The following RLN2 variants were observed in gnomAD, a reference collection of about 807,000 sequenced individuals.
RLN2 encodes the protein prorelaxin H2.
A neutral mutation model predicts 7.3 loss-of-function variants in RLN2; 10 were observed. The observed-to-expected ratio is 1.36, with a 90% CI of 0.84 to 2.31. The LOEUF (loss-of-function observed/expected upper bound fraction) is 2.31. Ranked by LOEUF, RLN2 falls within the 30% of genes most tolerant of loss-of-function variation. The pLI, the probability that RLN2 is intolerant of heterozygous loss-of-function variation, is 0.00. For synonymous variants in RLN2, 103 were observed against 82.3 expected (o/e 1.25, Z -1.36); for missense variants, 298 against 217.6 (o/e 1.37, Z -2.32).
chr9:5,300,372 G>T lies in RLN2; in HGVS notation c.284C>A (p.Pro95Gln). ...NMMSEFVANL[P>Q]QELKLTLSEM... Reference sequence around the variant, plus strand: ...AGACAGGGTTAACTTCAGCTCCTGTGGCAAATTAGCAACAAATTCTGACAT... The same window carrying T: ...AGACAGGGTTAACTTCAGCTCCTGTTGCAAATTAGCAACAAATTCTGACAT... Residue 95 changes from proline (P) to glutamine (Q), a missense_variant, in exon 2 of 2, where the codon CCA becomes CAA. Transcript: ENST00000381627. 8 of 1,613,506 alleles carry T rather than the reference G, an allele frequency of 5.0e-6. No individual in the cohort carries two copies. The highest frequency in any genetic ancestry group is 2.2e-5 in the East Asian group (1 of 44,864).
At chr9:5,333,768 T>A in the RLN2 span, among the ~76,000 whole-genome samples, 1 of 151,866 alleles carries the variant, frequency 6.6e-6, no homozygotes, top group Non-Finnish European at 1.5e-5. Flanking sequence ...GCAAAAATCC[T>A]CAATAAACAC....
At chr9:5,304,223 G>C in intron 1 of RLN2, 147 bp downstream of exon 1, 1 of 575,306 alleles carries the variant, frequency 1.7e-6, no homozygotes, top group East Asian at 2.9e-5. Flanking sequence ...CCAAACTTTA[G>C]GGACCAGCCA....
At chr9:5,327,813 T>G in the RLN2 span, among the ~76,000 whole-genome samples, 4 of 152,138 alleles carry the variant, frequency 2.6e-5, no homozygotes, top group East Asian at 7.7e-4. Flanking sequence ...CACCTGCAGC[T>G]GAGGGGTCTG....
the RLN2 span, among the ~76,000 whole-genome samples, chr9:5,330,872 G>C: frequency 0.014 from 2,105 of 150,778 alleles, 67 homozygotes; most frequent in African/African-American, 0.049. Context: ...AAGAAGAAAA[G>C]AGAGAAGAAT....
chr9:5,301,591 C>T (rs1402589410), intron 1 of RLN2, among the ~76,000 whole-genome samples: 1 of 152,104 alleles, frequency 6.6e-6, no homozygotes, highest in East Asian at 1.9e-4. Context: ...GACAGGAAAA[C>T]TCTCCATTAA....
At chr9:5,310,897 A>G in the RLN2 span, among the ~76,000 whole-genome samples, 1 of 152,132 alleles carries the variant, frequency 6.6e-6, no homozygotes, top group Non-Finnish European at 1.5e-5. Context: ...TGTTTTATCA[A>G]TTAAGAATAA....
chr9:5,314,143 C>T, the RLN2 span, among the ~76,000 whole-genome samples: 1 of 152,042 alleles, frequency 6.6e-6, no homozygotes, highest in South Asian at 2.1e-4. Context: ...AAAATACTCA[C>T]CACTGTGACC....
the RLN2 span, chr9:5,335,216 GA>G: frequency 1.5e-6 from 2 of 1,366,254 alleles, no homozygotes; most frequent in Non-Finnish European, 2.0e-6. Flanking sequence ...GACTATGTGT[GA>G]AAATTAGACA....
At chr9:5,307,569 C>T (rs1315103125), upstream of RLN2, among the ~76,000 whole-genome samples, 2 of 151,962 alleles carry the variant, frequency 1.3e-5, no homozygotes, top group East Asian at 1.9e-4. Context: ...CCTGCCTCCA[C>T]GGATTTTGTG....
At chr9:5,300,484 T>G in intron 1 of RLN2, 40 bp from the exon 2 acceptor site, 4 of 1,358,616 alleles carry the variant, frequency 2.9e-6, no homozygotes, top group Non-Finnish European at 4.1e-6. Context: ...GAGGGTATAT[T>G]CATGTCAAAG....
At chr9:5,315,493 C>A in the RLN2 span, among the ~76,000 whole-genome samples, 4 of 151,662 alleles carry the variant, frequency 2.6e-5, no homozygotes, top group African/African-American at 9.7e-5. Flanking sequence ...TATGGGAGCT[C>A]TACAGGGAGA....
chr9:5,311,478 G>A, the RLN2 span: 1 of 663,058 alleles, frequency 1.5e-6, no homozygotes, highest in Admixed American at 2.3e-5. Context: ...GGATGTTAAA[G>A]GAGATAAAGT....
chr9:5,312,498 C>T, the RLN2 span, among the ~76,000 whole-genome samples: 1 of 152,080 alleles, frequency 6.6e-6, no homozygotes, highest in South Asian at 2.1e-4. Context: ...AAACAACATG[C>T]TAAATGTGAA....
At chr9:5,318,007 C>CCTGTGTGTGTGT in the RLN2 span, among the ~76,000 whole-genome samples, 1 of 147,948 alleles carries the variant, frequency 6.8e-6, no homozygotes, top group Non-Finnish European at 1.5e-5. Context: ...TGTGTGTGTG[C>CCTGTGTGTGTGT]GTGTGTGTGT....
the RLN2 span, among the ~76,000 whole-genome samples, chr9:5,336,792 AGAGAG>A: frequency 6.6e-6 from 1 of 151,976 alleles, no homozygotes; most frequent in South Asian, 2.1e-4. Context: ...AAGAAAGAGA[AGAGAG>A]GAGTAAATCT....
the RLN2 span, among the ~76,000 whole-genome samples, chr9:5,320,228 C>T: frequency 5.9e-5 from 9 of 151,660 alleles, no homozygotes; most frequent in South Asian, 1.7e-3. Context: ...TCAGGTGATC[C>T]GCCCTCCTCG....
At chr9:5,301,132 G>C (rs886080547) in intron 1 of RLN2, among the ~76,000 whole-genome samples, 4 of 152,234 alleles carry the variant, frequency 2.6e-5, no homozygotes, top group Admixed American at 2.0e-4. Flanking sequence ...GAAGAGATTT[G>C]TATCTGCTGT....
chr9:5,326,105 G>C, the RLN2 span, among the ~76,000 whole-genome samples: 1 of 152,066 alleles, frequency 6.6e-6, no homozygotes, highest in Non-Finnish European at 1.5e-5. Context: ...AAAATTGCTA[G>C]AAACCTTGTT....
At chr9:5,317,438 T>G in the RLN2 span, among the ~76,000 whole-genome samples, 1 of 139,532 alleles carries the variant, frequency 7.2e-6, no homozygotes, top group African/African-American at 2.8e-5. Flanking sequence ...GGCAACAGAG[T>G]GAGACTCTGT....
Sources: gnomAD v4.1 joint callset for allele counts (sites outside exome capture counted in the v4.1 genomes callset) on GRCh38, gnomAD v4.1.1 for gene constraint, MANE v1.5 for transcripts, NCBI Gene and HGNC (gene_info 2026-07-23, HGNC 2026-07-21) for gene names.